Variants in C8orf48 observed in about 807,000 individuals in gnomAD.
The protein encoded by C8orf48 is chromosome 8 open reading frame 48.
For missense variants in C8orf48, 580 were observed against 363.3 expected, an observed-to-expected ratio of 1.60 and a Z score of -4.85; for synonymous variants, 188 against 138.2, an observed-to-expected ratio of 1.36 and a Z score of -2.53.
rs113149778 is a variant in C8orf48, at chr8:13,567,489, T to C, written c.498T>C (p.Cys166=). ...CTTCAGAGAGAGATGCCTTTAGTTG[T>C]ACTGTACCCGATGAACTTTTGAACA... ...VEASERDAFS[C]TVPDELLNRI... The change falls in exon 1 of 1, where the codon TGT becomes TGC. Residue 166 remains cysteine (C), a synonymous_variant. Transcript: ENST00000297324. The C allele has an allele frequency of 5.7e-5, 88 of 1,552,066 alleles. 2 individuals carry two copies. Among genetic ancestry groups the C allele is most frequent in the Middle Eastern group, 5.0e-4 (3 of 5,994 alleles).
Position 13,567,424 on chromosome 8 carries a change from A to T in C8orf48, c.433A>T (p.Ser145Cys). ...RRGDSKKKTS[S>C]RHKKLHLGLD... ...AGGGGATTCTAAGAAGAAGACGAGC[A>T]GCAGACATAAAAAGCTGCATCTTGG... Residue 145 changes from serine (S) to cysteine (C), a missense_variant, in exon 1 of 1, where the codon AGC (serine) becomes TGC (cysteine). By Grantham distance (112) the Ser-to-Cys change is moderately radical. Coordinates refer to ENST00000297324, the MANE Select transcript of C8orf48 (RefSeq NM_001007090.3). 2 of 1,551,928 alleles carry T rather than the reference A, an allele frequency of 1.3e-6. No homozygotes were observed. The highest frequency in any genetic ancestry group is 1.7e-6 in the Non-Finnish European group (2 of 1,147,062).
At position 13,567,516 on chromosome 8, in the gene C8orf48, A is replaced by G; in HGVS notation, c.525A>G (p.Arg175=). ...SCTVPDELLN[R]IYFKNMRTTP... is the part of the protein sequence containing the mutation. ...CTGTACCCGATGAACTTTTGAACAG[A>G]ATCTACTTTAAAAACATGAGGACAA... The change falls in exon 1 of 1, where the codon AGA becomes AGG. Residue 175 remains arginine (R), a synonymous_variant. Transcript: ENST00000297324. The G allele has an allele frequency of 6.4e-7, 1 of 1,551,984 alleles. No homozygotes were observed. Among genetic ancestry groups the G allele is most frequent in the East Asian group, 2.4e-5 (1 of 40,922 alleles).
At position 13,568,069 on chromosome 8, in the gene C8orf48, C is replaced by A; in HGVS notation, c.*118C>A. 8.5e-7 allele frequency: 1 copy of A among 1,176,682 alleles called. No homozygotes were observed. The highest frequency in any genetic ancestry group is 1.2e-6 in the Non-Finnish European group (1 of 857,998). 72.9% of individuals were successfully genotyped at this position (1,176,682 alleles called of 1,614,324 possible). ...CACAGATTTGAGGACTAAGAACTTTCACTTTTTTTTTCCTATTATAGAAGG... is the reference window on the plus strand; with the variant it reads ...CACAGATTTGAGGACTAAGAACTTTAACTTTTTTTTTCCTATTATAGAAGG... On this transcript the variant is annotated 3_prime_UTR_variant, in exon 1 of 1. Coordinates refer to ENST00000297324, the MANE Select transcript of C8orf48 (RefSeq NM_001007090.3).
In C8orf48 at chr8:13,566,885, A is replaced by T; in HGVS notation, c.-107A>T. 7.2e-7 allele frequency: 1 copy of T among 1,385,908 alleles called. No homozygotes were observed. Among genetic ancestry groups the T allele is most frequent in the South Asian group, 1.6e-5 (1 of 64,498 alleles). The allele number at this position is 1,385,908 out of a possible 1,614,324, so 85.9% of individuals were successfully genotyped here. A position where few individuals can be genotyped will look rare whatever the true frequency, so the allele number is the denominator to read the frequency against. On this transcript the variant is annotated 5_prime_UTR_variant, in exon 1 of 1. Coordinates refer to ENST00000297324, the MANE Select transcript of C8orf48 (RefSeq NM_001007090.3). Reference sequence around the variant, plus strand: ...GTCTCCCGGAAGACGACCTCCGCAGAGCTGATGGCATTGAGATCCATTCCC... The same window carrying T: ...GTCTCCCGGAAGACGACCTCCGCAGTGCTGATGGCATTGAGATCCATTCCC...
Position 13,567,371 on chromosome 8 carries a change from C to T in C8orf48, c.380C>T (p.Thr127Ile). 1 of 1,551,622 alleles carries T rather than the reference C, an allele frequency of 6.4e-7. No homozygotes were observed. The highest frequency in any genetic ancestry group is 2.4e-5 in the East Asian group (1 of 40,910). The change falls in exon 1 of 1, where the codon ACC becomes ATC. Residue 127 changes from threonine to isoleucine, a missense_variant. By Grantham distance (89) the Thr-to-Ile change is moderately conservative. Coordinates refer to ENST00000297324, the MANE Select transcript of C8orf48 (RefSeq NM_001007090.3). ...EELNALQSYC[T>I]MKINLIHRRG... ...TTGAATGCCCTGCAGTCTTATTGCACCATGAAGATAAATTTGATTCATCGT... is the reference window on the plus strand; with the variant it reads ...TTGAATGCCCTGCAGTCTTATTGCATCATGAAGATAAATTTGATTCATCGT...
Position 13,566,968 on chromosome 8 carries a change from A to G in C8orf48, c.-24A>G. ...AGTCTTAACCTGGGCAAAGGAGATG[A>G]GGAGCCGAGCCTGATGCATTGTGAT... On this transcript the variant is annotated 5_prime_UTR_variant, in exon 1 of 1. Transcript: ENST00000297324. 1 of 1,521,472 alleles carries G rather than the reference A, an allele frequency of 6.6e-7. No individual in the cohort carries two copies. 94.2% of individuals were successfully genotyped at this position (1,521,472 alleles called of 1,614,324 possible). A position where few individuals can be genotyped will look rare whatever the true frequency, so the allele number is the denominator to read the frequency against.
In C8orf48 at chr8:13,567,831, G is replaced by C. The variant is rs1804505983; in HGVS notation, c.840G>C (p.Glu280Asp). The change falls in exon 1 of 1, where the codon GAG (glutamate) becomes GAC (aspartate). Residue 280 changes from glutamate to aspartate, a missense_variant. By Grantham distance (45) the Glu-to-Asp change is conservative (BLOSUM62 2). Coordinates refer to ENST00000297324, the MANE Select transcript of C8orf48 (RefSeq NM_001007090.3). ...GATACTCTGGTTTTGAAAGATCAGA[G>C]ACAGAGCAGAAGTTGCAGCGAGATG... ...HIRYSGFERS[E>D]TEQKLQRDGN... The C allele has an allele frequency of 6.4e-7, 1 of 1,551,724 alleles. No homozygotes were observed. The highest frequency in any genetic ancestry group is 1.4e-5 in the African/African-American group (1 of 73,056).
chr8:13,566,912 G>C lies in C8orf48; in HGVS notation c.-80G>C, dbSNP rs957417070. On this transcript the variant is annotated 5_prime_UTR_variant, in exon 1 of 1. Coordinates refer to ENST00000297324, the MANE Select transcript of C8orf48 (RefSeq NM_001007090.3). The stretch of plus-strand genomic sequence containing the variant: ...CTGATGGCATTGAGATCCATTCCCG[G>C]AGGGGTCAGCTCCTGACGGGTTCCT... 4.8e-6 allele frequency: 7 copies of C among 1,446,460 alleles called. No homozygotes were observed. The highest frequency in any genetic ancestry group is 6.4e-6 in the Non-Finnish European group (7 of 1,095,960). 89.6% of individuals were successfully genotyped at this position (1,446,460 alleles called of 1,614,324 possible).
In C8orf48 at chr8:13,567,778, A is replaced by C; in HGVS notation, c.787A>C (p.Lys263Gln). 7.7e-6 allele frequency: 12 copies of C among 1,551,944 alleles called. No individual in the cohort carries two copies. Among genetic ancestry groups the C allele is most frequent in the Non-Finnish European group, 1.0e-5 (12 of 1,147,044 alleles). The change falls in exon 1 of 1, where the codon AAA (lysine) becomes CAA (glutamine). Residue 263 changes from lysine to glutamine, a missense_variant. By Grantham distance (53) the Lys-to-Gln change is moderately conservative. Transcript: ENST00000297324. ...TTCAGATGACCCCAGAATAATCTGG[A>C]AAAGACTGACTGAGAAAAGTCATAT... ...RLSDDPRIIWKRLTEKSHIRY... is the reference protein window; with the variant it reads ...RLSDDPRIIWQRLTEKSHIRY...
chr8:13,566,978 C>A lies in C8orf48; in HGVS notation c.-14C>A. The A allele has an allele frequency of 1.3e-6, 2 of 1,533,504 alleles. No individual in the cohort carries two copies. Among genetic ancestry groups the A allele is most frequent in the East Asian group, 2.5e-5 (1 of 40,692 alleles). 95.0% of individuals were successfully genotyped at this position (1,533,504 alleles called of 1,614,324 possible). On this transcript the variant is annotated 5_prime_UTR_variant, in exon 1 of 1. Coordinates refer to ENST00000297324, the MANE Select transcript of C8orf48 (RefSeq NM_001007090.3). Reference sequence around the variant, plus strand: ...TGGGCAAAGGAGATGAGGAGCCGAGCCTGATGCATTGTGATGGCCATCTGC... The same window carrying A: ...TGGGCAAAGGAGATGAGGAGCCGAGACTGATGCATTGTGATGGCCATCTGC...
Position 13,567,078 on chromosome 8 carries a change from T to C in C8orf48, c.87T>C (p.Thr29=). ...AGACTGAGACTTTGAAGAACTCTAC[T>C]GATGAGGTACAGACTTCCAGCTCAT... The part of the protein sequence containing the change: ...SDETETLKNS[T]DEVQTSSSFS... The change falls in exon 1 of 1, where the codon ACT becomes ACC. Residue 29 remains threonine, a synonymous_variant. Coordinates refer to ENST00000297324, the MANE Select transcript of C8orf48 (RefSeq NM_001007090.3). 2 of 1,551,744 alleles carry C rather than the reference T, an allele frequency of 1.3e-6. No homozygotes were observed. The highest frequency in any genetic ancestry group is 1.7e-6 in the Non-Finnish European group (2 of 1,146,998).
rs1374755272 is a variant in C8orf48, at chr8:13,567,582, T to C, written c.591T>C (p.Tyr197=). Residue 197 remains tyrosine, a synonymous_variant, in exon 1 of 1, where the codon TAT becomes TAC. Coordinates refer to ENST00000297324, the MANE Select transcript of C8orf48 (RefSeq NM_001007090.3). ...CAGCAGCTAAGCAACACATATCTTA[T>C]CAGTGTCCCTATTGTAACAGGAAAA... is the stretch of plus-strand genomic sequence containing the variant. The part of the protein sequence containing the change: ...QEAAAKQHIS[Y]QCPYCNRKRA... 3 of 1,551,768 alleles carry C rather than the reference T, an allele frequency of 1.9e-6. No individual in the cohort carries two copies. Among genetic ancestry groups the C allele is most frequent in the South Asian group, 1.2e-5 (1 of 84,062 alleles).
Position 13,567,823 on chromosome 8 carries a change from A to G in C8orf48, c.832A>G (p.Arg278Gly). The change falls in exon 1 of 1, where the codon AGA (arginine) becomes GGA (glycine). Residue 278 changes from arginine to glycine, a missense_variant. Transcript: ENST00000297324. ...KSHIRYSGFE[R>G]SETEQKLQRD... ...TCATATCAGATACTCTGGTTTTGAA[A>G]GATCAGAGACAGAGCAGAAGTTGCA... 6.4e-7 allele frequency: 1 copy of G among 1,551,862 alleles called. No individual in the cohort carries two copies. Among genetic ancestry groups the G allele is most frequent in the Non-Finnish European group, 8.7e-7 (1 of 1,147,034 alleles).
chr8:13,567,118 G>T, the C8orf48 span: 1 of 1,551,772 alleles, frequency 6.4e-7, no homozygotes, highest in Non-Finnish European at 8.7e-7. Context: ...CTCCTCTGGA[G>T]GACGGCAGTC....
In C8orf48 at chr8:13,567,359, A is replaced by G. The variant is rs188771522; in HGVS notation, c.368A>G (p.Gln123Arg). Reference protein sequence around the residue: ...RVSDEELNALQSYCTMKINLI... With the variant: ...RVSDEELNALRSYCTMKINLI... The stretch of plus-strand genomic sequence containing the variant: ...TCAGATGAAGAATTGAATGCCCTGC[A>G]GTCTTATTGCACCATGAAGATAAAT... Residue 123 changes from glutamine (Q) to arginine (R), a missense_variant, in exon 1 of 1, where the codon CAG becomes CGG. Coordinates refer to ENST00000297324, the MANE Select transcript of C8orf48 (RefSeq NM_001007090.3). The G allele has an allele frequency of 4.2e-5, 65 of 1,551,756 alleles. No individual in the cohort carries two copies.
In C8orf48 at chr8:13,567,883, T is replaced by C; in HGVS notation, c.892T>C (p.Ser298Pro). The change falls in exon 1 of 1, where the codon TCT becomes CCT. Residue 298 changes from serine to proline, a missense_variant. By Grantham distance (74) the Ser-to-Pro change is moderately conservative (BLOSUM62 -1). Transcript: ENST00000297324. ...AAATAGTGCTTGTCATTTACCATTTTCTCTGCCATTTCTCAAGCGACTTAC... is the reference window on the plus strand; with the variant it reads ...AAATAGTGCTTGTCATTTACCATTTCCTCTGCCATTTCTCAAGCGACTTAC... ...DGNSACHLPFSLPFLKRLTLI... is the reference protein window; with the variant it reads ...DGNSACHLPFPLPFLKRLTLI... 1 of 1,552,018 alleles carries C rather than the reference T, an allele frequency of 6.4e-7. No homozygotes were observed. Among genetic ancestry groups the C allele is most frequent in the Non-Finnish European group, 8.7e-7 (1 of 1,147,054 alleles).
In C8orf48 at chr8:13,567,223, A is replaced by C. The variant is rs773922315; in HGVS notation, c.232A>C (p.Asn78His). ...ACAATCTGAGCTTTTGGACTATAAA[A>C]ATTATGAAAAGAAGTTGAGTAAAAA... ...DTQSELLDYKNYEKKLSKKWI... is the reference protein window; with the variant it reads ...DTQSELLDYKHYEKKLSKKWI... The change falls in exon 1 of 1, where the codon AAT becomes CAT. Residue 78 changes from asparagine (N) to histidine (H), a missense_variant. Asn to His is a moderately conservative substitution (Grantham distance 68, BLOSUM62 1). Transcript: ENST00000297324. The C allele has an allele frequency of 1.1e-5, 17 of 1,551,466 alleles. No homozygotes were observed. The highest frequency in any genetic ancestry group is 1.3e-5 in the Non-Finnish European group (15 of 1,147,000).
the C8orf48 span, chr8:13,567,229 G>T: frequency 6.4e-7 from 1 of 1,551,412 alleles, no homozygotes; most frequent in African/African-American, 1.4e-5. Flanking sequence ...TAAAAATTAT[G>T]AAAAGAAGTT....
chr8:13,567,698 A>G lies in C8orf48; in HGVS notation c.707A>G (p.His236Arg), dbSNP rs535942960. 8 of 1,552,072 alleles carry G rather than the reference A, an allele frequency of 5.2e-6. No homozygotes were observed. In the African/African-American group the frequency reaches 8.2e-5, roughly 16 times the overall value. The change falls in exon 1 of 1, where the codon CAT becomes CGT. Residue 236 changes from histidine to arginine, a missense_variant. Transcript: ENST00000297324. ...LLQERIDEHL[H>R]TKDFLTRIGE... ...CAAGAGAGAATAGATGAACATCTTC[A>G]TACCAAAGACTTTCTCACCCGTATT...
Sources: allele counts gnomAD v4.1 joint callset, GRCh38; gene constraint gnomAD v4.1.1; transcripts MANE v1.5; gene names NCBI Gene and HGNC (gene_info 2026-07-23, HGNC 2026-07-21).